The following AGBL2 variants were observed in gnomAD, a reference collection of about 807,000 sequenced individuals.
AGBL2 encodes AGBL carboxypeptidase 2.
AGBL2 carries 87 observed loss-of-function variants against 103.0 expected under a neutral mutation model. The observed-to-expected ratio is 0.84, with a 90% CI of 0.71 to 1.01. The LOEUF is 1.01. Ranked by LOEUF, AGBL2 falls within the 50% of genes least tolerant of loss-of-function variation. AGBL2 has a pLI of 0.00. For missense variants in AGBL2, 904 were observed against 1,023.5 expected (o/e 0.88, Z 1.59); for synonymous variants, 335 against 356.7 (o/e 0.94, Z 0.69).
At chr11:47,683,324 G>A (rs2097409553) in intron 11 of AGBL2, among the ~76,000 whole-genome samples, 1 of 152,128 alleles carries the variant, frequency 6.6e-6, no homozygotes, top group Non-Finnish European at 1.5e-5. Context: ...AGTGAGCTGA[G>A]ATCGTGCCAC....
intron 4 of AGBL2, among the ~76,000 whole-genome samples, chr11:47,706,801 C>A (rs1323203055): frequency 6.8e-6 from 1 of 148,040 alleles, no homozygotes; most frequent in African/African-American, 2.5e-5. Flanking sequence ...GTAATCCCAG[C>A]ACTTTGGGAG....
chr11:47,703,588 T>A (rs908133430), intron 7 of AGBL2, among the ~76,000 whole-genome samples: 20 of 151,902 alleles, frequency 1.3e-4, no homozygotes, highest in African/African-American at 4.6e-4. Context: ...ATCAGGAGTT[T>A]GAGACCAGCC....
In AGBL2 at chr11:47,690,516, TGGGTAGAAGTGTGC is replaced by T; in HGVS notation, c.1177_1190del (p.Ala393IlefsTer5). The T allele has an allele frequency of 6.2e-7, 1 of 1,614,120 alleles. No homozygotes were observed. The highest frequency in any genetic ancestry group is 2.2e-5 in the East Asian group (1 of 44,878). On this transcript the variant is annotated frameshift_variant, in exon 10 of 19. Coordinates refer to ENST00000525123, the MANE Select transcript of AGBL2 (RefSeq NM_024783.4). LOFTEE classifies it high-confidence loss of function. ...AGCATTGCAAATCAGTGTATGTATATGGGTAGAAGTGTGCAAAGAAGCAAGTGTCCTGGTCATAT... is the reference window on the plus strand; with the variant it reads ...AGCATTGCAAATCAGTGTATGTATATAAAGAAGCAAGTGTCCTGGTCATAT...
At chr11:47,691,729 A>AAAAATATATATATATAT in intron 9 of AGBL2, among the ~76,000 whole-genome samples, 1 of 4,856 alleles carries the variant, frequency 2.1e-4, no homozygotes, top group African/African-American at 7.2e-4. Flanking sequence ...AAAAAAAAAA[A>AAAAATATATATATATAT]ATATATATAT....
chr11:47,686,151 C>T (rs906358800), intron 10 of AGBL2, 102 bp from the exon 11 acceptor site: 5 of 1,226,512 alleles, frequency 4.1e-6, no homozygotes, highest in Non-Finnish European at 5.7e-6. Context: ...TTAATACTTT[C>T]CCTCCTAAGA....
intron 14 of AGBL2, among the ~76,000 whole-genome samples, chr11:47,675,879 A>G (rs2097373137): frequency 6.6e-6 from 1 of 152,012 alleles, no homozygotes; most frequent in Non-Finnish European, 1.5e-5. Flanking sequence ...GATGGTGCAC[A>G]CCTGTAGTCC....
At position 47,705,857 on chromosome 11, in the gene AGBL2, G is replaced by A; in HGVS notation, c.286+7C>T. ...TGAATCTTCTGGTCTGGAAGGACAT[G>A]AAATACCTCTGTTGATGGCTTCTAT... On this transcript the variant is annotated splice_region_variant and intron_variant, in intron 5 of 18. Transcript: ENST00000525123. The A allele has an allele frequency of 1.2e-6, 2 of 1,613,620 alleles. No homozygotes were observed. The highest frequency in any genetic ancestry group is 1.7e-6 in the Non-Finnish European group (2 of 1,179,594).
intron 14 of AGBL2, among the ~76,000 whole-genome samples, chr11:47,675,613 T>C (rs940142665): frequency 3.7e-4 from 57 of 152,108 alleles, no homozygotes; most frequent in Non-Finnish European, 7.8e-4. Flanking sequence ...GGTCTTGAAC[T>C]CCTGACCTCA....
At chr11:47,671,994 AG>A (rs1413911329) in intron 14 of AGBL2, among the ~76,000 whole-genome samples, 1 of 152,232 alleles carries the variant, frequency 6.6e-6, no homozygotes, top group African/African-American at 2.4e-5. Context: ...CTTGAGGCAG[AG>A]GCTGGCAAAT....
chr11:47,705,993 C>T, intron 4 of AGBL2, 76 bp from the exon 5 acceptor site: 1 of 1,217,288 alleles, frequency 8.2e-7, no homozygotes, highest in Middle Eastern at 1.9e-4. Flanking sequence ...ATCCCCATCC[C>T]TTCTCATTTC....
At chr11:47,672,596 T>G (rs550872636) in intron 14 of AGBL2, among the ~76,000 whole-genome samples, 1 of 152,214 alleles carries the variant, frequency 6.6e-6, no homozygotes, top group African/African-American at 2.4e-5. Flanking sequence ...ACTACAGGCG[T>G]GAGCCACTGC....
In AGBL2 at chr11:47,705,612, C is replaced by A; in HGVS notation, c.309G>T (p.Trp103Cys). The change falls in exon 6 of 19, where the codon TGG becomes TGT. Residue 103 changes from tryptophan to cysteine, a missense_variant. Trp to Cys is a radical substitution (Grantham distance 215). Coordinates refer to ENST00000525123, the MANE Select transcript of AGBL2 (RefSeq NM_024783.4). Reference sequence around the variant, plus strand: ...GTGAGCTGAGGCCGCGCCACTGCATCCAGCCCAGGCAAGAGTGAAAGTCTG... The same window carrying A: ...GTGAGCTGAGGCCGCGCCACTGCATACAGCCCAGGCAAGAGTGAAAGTCTG... ...INRDFHSCLG[W>C]MQWRGLSSLQ... 1 of 518,750 alleles carries A rather than the reference C, an allele frequency of 1.9e-6. No homozygotes were observed. The highest frequency in any genetic ancestry group is 3.4e-6 in the Non-Finnish European group (1 of 291,264). The allele number at this position is 518,750 out of a possible 1,614,324, so 32.1% of individuals were successfully genotyped here.
intron 2 of AGBL2, 64 bp downstream of exon 2, chr11:47,714,553 TG>T: frequency 1.3e-6 from 2 of 1,544,834 alleles, no homozygotes; most frequent in Non-Finnish European, 8.9e-7. Context: ...CAGATTTCTG[TG>T]GAGTTCCCGA....
intron 11 of AGBL2, among the ~76,000 whole-genome samples, chr11:47,683,788 AAAT>A (rs1258627319): frequency 1.3e-5 from 2 of 151,710 alleles, no homozygotes; most frequent in East Asian, 3.9e-4. Flanking sequence ...AAAAAAATTA[AAAT>A]ACTTTTCTAA....
intron 17 of AGBL2, among the ~76,000 whole-genome samples, chr11:47,665,228 G>C (rs981738648): frequency 6.6e-6 from 1 of 151,356 alleles, no homozygotes; most frequent in African/African-American, 2.4e-5. Flanking sequence ...TGCATTTTTA[G>C]TAGAGGTGGG....
chr11:47,678,349 T>TTTTTTTTTTTTTTTTTTTTTTTTTTTTTG (rs2097386243), intron 13 of AGBL2, among the ~76,000 whole-genome samples: 1 of 141,630 alleles, frequency 7.1e-6, no homozygotes, highest in Non-Finnish European at 1.6e-5. Context: ...TTTTATTTTT[T>TTTTTTTTTTTTTTTTTTTTTTTTTTTTTG]TTGAGACGGA....
chr11:47,675,199 C>CTT (rs34012734), intron 14 of AGBL2, among the ~76,000 whole-genome samples: 64 of 58,188 alleles, frequency 1.1e-3, no homozygotes, highest in Middle Eastern at 0.015. Context: ...TCCCACCAGT[C>CTT]TTTTTTTTTT....
At chr11:47,699,584 T>C in intron 7 of AGBL2, 31 bp from the exon 8 acceptor site, 1 of 1,269,272 alleles carries the variant, frequency 7.9e-7, no homozygotes, top group African/African-American at 1.5e-5. Context: ...AAGTACAAAA[T>C]AAGAAATAAT....
intron 14 of AGBL2, among the ~76,000 whole-genome samples, chr11:47,673,642 A>AG (rs1476866632): frequency 6.0e-5 from 9 of 151,026 alleles, no homozygotes; most frequent in African/African-American, 2.2e-4. Flanking sequence ...AAAAAAAAAA[A>AG]TTAGCAGGCA....
Sources: allele counts gnomAD v4.1 joint callset (sites outside exome capture counted in the v4.1 genomes callset), GRCh38; gene constraint gnomAD v4.1.1; transcripts MANE v1.5; gene names NCBI Gene and HGNC (gene_info 2026-07-23, HGNC 2026-07-21).